The following GPC5 variants were observed in gnomAD, a reference collection of about 807,000 sequenced individuals.
GPC5 encodes the protein glypican 5.
A neutral mutation model predicts 53.9 loss-of-function variants in GPC5; 47 were observed. The observed-to-expected ratio is 0.87, with a 90% CI of 0.69 to 1.11. The LOEUF (loss-of-function observed/expected upper bound fraction) is 1.11, where lower values mean the gene tolerates loss of function less well. Among genes scored for constraint, GPC5 ranks in the 50% most tolerant of loss-of-function variants. GPC5 has a pLI of 0.00. For missense variants in GPC5, 748 were observed against 713.1 expected (o/e 1.05, Z -0.56); for synonymous variants, 286 against 263.3 (o/e 1.09, Z -0.84).
intron 7 of GPC5, chr13:92,721,545 G>T (rs1046063661): frequency 6.6e-6 from 1 of 152,014 alleles, no homozygotes; most frequent in Non-Finnish European, 1.5e-5. Context: ...AGGATCCCTT[G>T]CTGTCAGACA....
intron 2 of GPC5, among the ~76,000 whole-genome samples, chr13:91,474,641 A>C (rs895152933): frequency 6.6e-6 from 1 of 152,152 alleles, no homozygotes; most frequent in Non-Finnish European, 1.5e-5. Context: ...GCCCATTTAT[A>C]GCAGTTCTAA....
rs1886100692 is a variant in GPC5 at position 91,526,684 on chromosome 13, G to A, written c.325+77762G>A. ...TTTTCAGAGCTGTTTTTCTTTGCTT[G>A]ACGCTTGTATTAGTCCATTCTCACA... is the stretch of plus-strand genomic sequence containing the variant. On this transcript the variant is annotated intron_variant, in intron 2 of 7. Coordinates refer to ENST00000377067, the MANE Select transcript of GPC5 (RefSeq NM_004466.6). Among the ~76,000 whole-genome samples the A allele has an allele frequency of 2.0e-5, 3 of 152,250 alleles. No individual in the cohort carries two copies. The South Asian group carries it at 6.2e-4, about 32-fold the overall frequency.
intron 1 of GPC5, among the ~76,000 whole-genome samples, chr13:91,445,114 T>G (rs1329939926): frequency 6.6e-6 from 1 of 152,230 alleles, no homozygotes; most frequent in Non-Finnish European, 1.5e-5. Flanking sequence ...AGAAGATTCA[T>G]TCTTATGTAG....
chr13:92,440,613 C>T (rs1298575522), intron 7 of GPC5, among the ~76,000 whole-genome samples: 1 of 152,128 alleles, frequency 6.6e-6, no homozygotes, highest in African/African-American at 2.4e-5. Context: ...TGGGTATATA[C>T]CCAGGAATGG....
chr13:92,015,465 A>G (rs2040698512), intron 6 of GPC5, among the ~76,000 whole-genome samples: 1 of 152,092 alleles, frequency 6.6e-6, no homozygotes, highest in East Asian at 1.9e-4. Context: ...CTCTTCTCCT[A>G]CAAAAGGAAA....
At chr13:92,808,076 A>G (rs1407778723) in intron 7 of GPC5, among the ~76,000 whole-genome samples, 2 of 152,244 alleles carry the variant, frequency 1.3e-5, no homozygotes, top group African/African-American at 4.8e-5. Context: ...GGTCACAGGA[A>G]GAAGTCTAAC....
At chr13:91,977,836 G>A (rs997249931) in intron 6 of GPC5, among the ~76,000 whole-genome samples, 1 of 151,964 alleles carries the variant, frequency 6.6e-6, no homozygotes, top group East Asian at 1.9e-4. Flanking sequence ...TTAGCGCTAG[G>A]TGCAATGGAT....
chr13:91,492,796 T>G (rs570380087), intron 2 of GPC5, among the ~76,000 whole-genome samples: 1 of 152,338 alleles, frequency 6.6e-6, no homozygotes, highest in South Asian at 2.1e-4. Flanking sequence ...ACTGCTCAGT[T>G]TCCTTTCTTC....
intron 6 of GPC5, among the ~76,000 whole-genome samples, chr13:91,992,380 C>A (rs899988294): frequency 2.0e-5 from 3 of 151,828 alleles, no homozygotes; most frequent in Non-Finnish European, 4.4e-5. Flanking sequence ...AAAACATAAC[C>A]ATTCTTTAAA....
intron 7 of GPC5, among the ~76,000 whole-genome samples, chr13:92,751,161 T>C (rs1246715991): frequency 1.3e-5 from 2 of 151,896 alleles, no homozygotes; most frequent in African/African-American, 4.8e-5. Context: ...AGACATTTTC[T>C]ACCAACTGGG....
intron 1 of GPC5, among the ~76,000 whole-genome samples, chr13:91,426,240 A>ACCTTCCCGGTAGC (rs1879039129): frequency 6.6e-6 from 1 of 151,520 alleles, no homozygotes; most frequent in East Asian, 2.0e-4. Context: ...CATGTCAGAG[A>ACCTTCCCGGTAGC]CCTTCCCGGT....
At chr13:92,571,708 C>A (rs1410051018) in intron 7 of GPC5, among the ~76,000 whole-genome samples, 1 of 152,052 alleles carries the variant, frequency 6.6e-6, no homozygotes, top group Non-Finnish European at 1.5e-5. Flanking sequence ...CATTCCAAAT[C>A]CAAATATGGC....
intron 7 of GPC5, among the ~76,000 whole-genome samples, chr13:92,446,195 CT>C (rs1010798695): frequency 2.6e-5 from 4 of 151,000 alleles, no homozygotes; most frequent in Middle Eastern, 3.4e-3. Flanking sequence ...TTCTTTCTAA[CT>C]TTTTTTTTAC....
intron 7 of GPC5, among the ~76,000 whole-genome samples, chr13:92,174,742 T>C (rs901200984): frequency 2.0e-5 from 3 of 151,804 alleles, no homozygotes; most frequent in Admixed American, 1.3e-4. Flanking sequence ...AAGGTTAAAA[T>C]AGTGTGCAGA....
In GPC5 at chr13:92,269,609, T is replaced by A. The variant is rs951948226; in HGVS notation, c.1561+124620T>A. Among the ~76,000 whole-genome samples, 3 of 152,084 alleles carry A rather than the reference T, an allele frequency of 2.0e-5. No individual in the cohort carries two copies. The East Asian group carries it at 5.8e-4, about 30-fold the overall frequency. Reference sequence around the variant, plus strand: ...TTTTAGTAGAGACGGGATTTCACCATGTTAGCCAGGATGGTCTCGATCTCC... The same window carrying A: ...TTTTAGTAGAGACGGGATTTCACCAAGTTAGCCAGGATGGTCTCGATCTCC... On this transcript the variant is annotated intron_variant, in intron 7 of 7. Coordinates refer to ENST00000377067, the MANE Select transcript of GPC5 (RefSeq NM_004466.6).
intron 6 of GPC5, among the ~76,000 whole-genome samples, chr13:92,140,281 C>T (rs17188390): frequency 0.14 from 20,755 of 152,116 alleles, 1,629 homozygotes; most frequent in Admixed American, 0.18. Context: ...AGCTGGGTAG[C>T]GGGGAGCTGT....
chr13:91,573,966 C>T (rs2032040800), intron 2 of GPC5, among the ~76,000 whole-genome samples: 1 of 152,122 alleles, frequency 6.6e-6, no homozygotes, highest in Non-Finnish European at 1.5e-5. Context: ...TCACTACATC[C>T]TGCCACTTGG....
At chr13:91,808,400 C>T (rs1001125829) in intron 5 of GPC5, among the ~76,000 whole-genome samples, 11 of 152,056 alleles carry the variant, frequency 7.2e-5, no homozygotes, top group African/African-American at 2.7e-4. Context: ...ATCTGTTGAG[C>T]ACCTATCTGT....
At chr13:92,107,146 A>C (rs2041516704) in intron 6 of GPC5, among the ~76,000 whole-genome samples, 1 of 152,104 alleles carries the variant, frequency 6.6e-6, no homozygotes, top group African/African-American at 2.4e-5. Context: ...TGACAGTGTC[A>C]GAAATGAATT....
Sources: gnomAD v4.1 joint callset for allele counts (sites outside exome capture counted in the v4.1 genomes callset) on GRCh38, gnomAD v4.1.1 for gene constraint, MANE v1.5 for transcripts, NCBI Gene and HGNC (gene_info 2026-07-23, HGNC 2026-07-21) for gene names.